Variants in STPG2 observed in about 807,000 individuals in gnomAD.
The protein encoded by STPG2 is sperm tail PG-rich repeat containing 2, also known as sperm-tail PG-rich repeat-containing protein 2.
A neutral mutation model predicts 54.2 loss-of-function variants in STPG2; 56 were observed. The observed-to-expected ratio is 1.03, with a 90% CI of 0.83 to 1.29. STPG2 has a LOEUF of 1.29. Among genes scored for constraint, STPG2 ranks in the 50% most tolerant of loss-of-function variants. The pLI, the probability that STPG2 is intolerant of heterozygous loss-of-function variation, is 0.00. For synonymous variants in STPG2, 200 were observed against 181.8 expected (o/e 1.10, Z -0.81); for missense variants, 596 against 544.9 (o/e 1.09, Z -0.93).
chr4:97,498,304 T>C (rs1271754649), intron 4 of STPG2, among the ~76,000 whole-genome samples: 3 of 151,958 alleles, frequency 2.0e-5, no homozygotes, highest in African/African-American at 7.2e-5. Flanking sequence ...TAAAGGTATG[T>C]GTCATTTTTA....
At chr4:97,804,215 T>C (rs1335927176) in intron 9 of STPG2, among the ~76,000 whole-genome samples, 1 of 152,206 alleles carries the variant, frequency 6.6e-6, no homozygotes, top group Non-Finnish European at 1.5e-5. Flanking sequence ...TTTAATAATT[T>C]TATTAAGTTA....
chr4:97,488,518 C>G (rs887603797), intron 4 of STPG2, among the ~76,000 whole-genome samples: 1 of 151,600 alleles, frequency 6.6e-6, no homozygotes, highest in African/African-American at 2.4e-5. Context: ...AACAAATAGA[C>G]AAAATAGAAA....
rs553836822 is a variant in STPG2, at chr4:97,626,504, T to G, written c.1321-67387A>C. Among the ~76,000 whole-genome samples the G allele has an allele frequency of 2.6e-5, 4 of 152,234 alleles. No individual in the cohort carries two copies. The East Asian group carries it at 7.7e-4, about 29-fold the overall frequency. ...GTACACACATCTGCTATATCATAAG[T>G]TGGTAATTAGTCTTCTTTTTAAGTA... On this transcript the variant is annotated intron_variant, in intron 10 of 10. Coordinates refer to ENST00000295268, the MANE Select transcript of STPG2 (RefSeq NM_174952.3).
chr4:98,001,486 T>C (rs1447831020), intron 5 of STPG2, among the ~76,000 whole-genome samples: 1 of 152,056 alleles, frequency 6.6e-6, no homozygotes, highest in African/African-American at 2.4e-5. Flanking sequence ...CAAGTCCAAA[T>C]TCCTCTTTTT....
rs1038359162 is a variant in STPG2 at position 97,582,316 on chromosome 4, A to G, written c.1321-23199T>C. Among the ~76,000 whole-genome samples the G allele has an allele frequency of 2.0e-5, 3 of 152,210 alleles. No homozygotes were observed. In the East Asian group the frequency reaches 5.8e-4, roughly 29 times the overall value. On this transcript the variant is annotated intron_variant, in intron 10 of 10. Coordinates refer to ENST00000295268, the MANE Select transcript of STPG2 (RefSeq NM_174952.3). The stretch of plus-strand genomic sequence containing the variant: ...AATCAGTTAGTGGATTAGAAAATCA[A>G]TTCAGTGATAAGCTTGAAAAAATAG...
chr4:97,769,858 C>T (rs1726168756), intron 9 of STPG2, among the ~76,000 whole-genome samples: 1 of 152,012 alleles, frequency 6.6e-6, no homozygotes, highest in Non-Finnish European at 1.5e-5. Flanking sequence ...CAACATCTTG[C>T]CATTATAAAG....
At chr4:97,830,835 T>C (rs913912599) in intron 9 of STPG2, among the ~76,000 whole-genome samples, 2 of 152,176 alleles carry the variant, frequency 1.3e-5, no homozygotes, top group Admixed American at 6.5e-5. Flanking sequence ...ATCCTAAATA[T>C]ATATGCACCC....
chr4:97,493,440 G>C (rs562028629), intron 4 of STPG2, among the ~76,000 whole-genome samples: 22 of 151,460 alleles, frequency 1.5e-4, no homozygotes, highest in Admixed American at 4.0e-4. Flanking sequence ...AATTGTTAGT[G>C]GGAACAGGTC....
chr4:97,809,866 T>C (rs917962846), intron 9 of STPG2, among the ~76,000 whole-genome samples: 1 of 152,076 alleles, frequency 6.6e-6, no homozygotes, highest in Non-Finnish European at 1.5e-5. Flanking sequence ...GGTGTTGGTT[T>C]AAGCCACTGT....
At chr4:97,465,924 T>C (rs1486827371) in intron 4 of STPG2, among the ~76,000 whole-genome samples, 1 of 152,052 alleles carries the variant, frequency 6.6e-6, no homozygotes, top group Non-Finnish European at 1.5e-5. Context: ...GTTGTTTACA[T>C]GTGTTTATTC....
chr4:98,121,644 G>A (rs1260747080), intron 3 of STPG2, among the ~76,000 whole-genome samples: 1 of 152,088 alleles, frequency 6.6e-6, no homozygotes, highest in East Asian at 1.9e-4. Flanking sequence ...TATTATTTTG[G>A]TAGCAATTGT....
rs189374023 is a variant in STPG2, at chr4:97,959,050, C to T, written c.933+13230G>A. Among the ~76,000 whole-genome samples, 48 of 152,016 alleles carry T rather than the reference C, an allele frequency of 3.2e-4. No individual in the cohort carries two copies. The East Asian group carries it at 5.0e-3, about 16-fold the overall frequency. ...TTTCAGACCACAGTAGAATAAAACA[C>T]GAAATCAACTCTAAAAGGAACCTTC... On this transcript the variant is annotated intron_variant, in intron 7 of 10. Coordinates refer to ENST00000295268, the MANE Select transcript of STPG2 (RefSeq NM_174952.3).
At chr4:97,577,982 T>C (rs1732765233) in intron 10 of STPG2, among the ~76,000 whole-genome samples, 1 of 152,152 alleles carries the variant, frequency 6.6e-6, no homozygotes, top group South Asian at 2.1e-4. Context: ...ATATATCCAT[T>C]TTCAGAAATT....
At chr4:97,861,897 T>C (rs977241197) in intron 8 of STPG2, among the ~76,000 whole-genome samples, 2 of 152,104 alleles carry the variant, frequency 1.3e-5, no homozygotes, top group African/African-American at 4.8e-5. Flanking sequence ...CCACCAGGCC[T>C]GCCCTAAAAG....
intron 8 of STPG2, among the ~76,000 whole-genome samples, chr4:97,934,292 C>T (rs1227638497): frequency 6.6e-6 from 1 of 152,166 alleles, no homozygotes; most frequent in Non-Finnish European, 1.5e-5. Flanking sequence ...GATATAGGAT[C>T]ATATTGTCTG....
intron 8 of STPG2, among the ~76,000 whole-genome samples, chr4:97,922,418 G>T (rs992219831): frequency 1.3e-5 from 2 of 152,014 alleles, no homozygotes; most frequent in African/African-American, 4.8e-5. Flanking sequence ...ACTAAATTTG[G>T]CCAGAGATGA....
At chr4:97,645,263 A>G (rs1486749066) in intron 10 of STPG2, among the ~76,000 whole-genome samples, 1 of 151,842 alleles carries the variant, frequency 6.6e-6, no homozygotes, top group Non-Finnish European at 1.5e-5. Context: ...AGCCTCTGCT[A>G]CATGGCAGCT....
chr4:98,100,449 CT>C (rs1040900187), intron 5 of STPG2, among the ~76,000 whole-genome samples: 2 of 151,964 alleles, frequency 1.3e-5, no homozygotes, highest in Non-Finnish European at 2.9e-5. Flanking sequence ...AATCTGAAAT[CT>C]TGAGAAACAA....
chr4:98,055,005 C>A (rs546668119), intron 5 of STPG2, among the ~76,000 whole-genome samples: 1 of 152,170 alleles, frequency 6.6e-6, no homozygotes, highest in South Asian at 2.1e-4. Context: ...GAGTCTACAG[C>A]TAGGGCACTC....
Sources: allele counts gnomAD v4.1 joint callset (sites outside exome capture counted in the v4.1 genomes callset), GRCh38; gene constraint gnomAD v4.1.1; transcripts MANE v1.5; gene names NCBI Gene and HGNC (gene_info 2026-07-23, HGNC 2026-07-21).